Variants in MPZL1 observed in about 807,000 individuals in gnomAD.
MPZL1 encodes myelin protein zero-like protein 1.
MPZL1 carries 16 observed loss-of-function variants against 29.3 expected under a neutral mutation model. The observed-to-expected ratio is 0.55, with a 90% confidence interval of 0.37 to 0.83. MPZL1 has a LOEUF of 0.83. Among genes scored for constraint, MPZL1 ranks in the 40% least tolerant of loss-of-function variants. MPZL1 has a pLI of 0.00. For missense variants in MPZL1, 279 were observed against 332.9 expected, an observed-to-expected ratio of 0.84 and a Z score of 1.26; for synonymous variants, 143 against 132.0, an observed-to-expected ratio of 1.08 and a Z score of -0.57.
chr1:167,775,446 G>A (rs371262648), intron 4 of MPZL1, among the ~76,000 whole-genome samples: 34 of 152,302 alleles, frequency 2.2e-4, no homozygotes, highest in African/African-American at 8.2e-4. Context: ...TGTTGTTAAA[G>A]ACTACTGTCA....
intron 3 of MPZL1, among the ~76,000 whole-genome samples, chr1:167,772,996 G>C (rs1028227325): frequency 6.6e-6 from 1 of 152,114 alleles, no homozygotes; most frequent in Non-Finnish European, 1.5e-5. Context: ...TTTTTCTTTA[G>C]AGCACTGAGA....
chr1:167,735,778 TG>T (rs1200877932), intron 1 of MPZL1, among the ~76,000 whole-genome samples: 2 of 152,220 alleles, frequency 1.3e-5, no homozygotes, highest in African/African-American at 4.8e-5. Flanking sequence ...TACATTATAA[TG>T]GAGGGTAATC....
At chr1:167,779,321 A>G (rs1661441367) in intron 5 of MPZL1, among the ~76,000 whole-genome samples, 2 of 152,280 alleles carry the variant, frequency 1.3e-5, no homozygotes, top group East Asian at 1.9e-4. Context: ...CAGTGACTCA[A>G]CGCCTGTAAT....
intron 1 of MPZL1, among the ~76,000 whole-genome samples, chr1:167,736,101 C>T (rs1298309242): frequency 6.6e-6 from 1 of 152,068 alleles, no homozygotes; most frequent in Non-Finnish European, 1.5e-5. Flanking sequence ...CATGGTTGAC[C>T]ACTTTGATCT....
At chr1:167,781,782 C>G (rs901814587) in intron 5 of MPZL1, among the ~76,000 whole-genome samples, 13 of 152,156 alleles carry the variant, frequency 8.5e-5, no homozygotes, top group African/African-American at 3.1e-4. Flanking sequence ...TCGCTTCTCT[C>G]TGGCTGCTTT....
intron 5 of MPZL1, among the ~76,000 whole-genome samples, chr1:167,785,642 C>G (rs746541596): frequency 2.0e-5 from 3 of 152,162 alleles, no homozygotes; most frequent in Non-Finnish European, 4.4e-5. Flanking sequence ...ATGAACATAC[C>G]CTAAAACTCT....
intron 1 of MPZL1, among the ~76,000 whole-genome samples, chr1:167,757,037 T>C (rs549745097): frequency 6.6e-6 from 1 of 152,336 alleles, no homozygotes; most frequent in African/African-American, 2.4e-5. Context: ...GCTTAGTTTA[T>C]TAATACTTAG....
chr1:167,751,064 C>G (rs1660744849), intron 1 of MPZL1, among the ~76,000 whole-genome samples: 1 of 152,136 alleles, frequency 6.6e-6, no homozygotes, highest in South Asian at 2.1e-4. Context: ...CTTATTTGTT[C>G]CACTGCTGGT....
Position 167,722,241 on chromosome 1 carries a change from C to T in MPZL1, c.90C>T (p.Leu30=). 1 of 1,238,974 alleles carries T rather than the reference C, an allele frequency of 8.1e-7. No individual in the cohort carries two copies. 76.7% of individuals were successfully genotyped at this position (1,238,974 alleles called of 1,614,324 possible). ...LWSVLAAALG[L]LTAGVSALEV... is the part of the protein sequence containing the mutation. Reference sequence around the variant, plus strand: ...CGGTGCTGGCGGCGGCGCTTGGGCTCTGTAAGTGATGCCAGGACCAGGGCT... The same window carrying T: ...CGGTGCTGGCGGCGGCGCTTGGGCTTTGTAAGTGATGCCAGGACCAGGGCT... Residue 30 remains leucine, a splice_region_variant and synonymous_variant, in exon 1 of 6, where the codon CTC becomes CTT. Coordinates refer to ENST00000359523, the MANE Select transcript of MPZL1 (RefSeq NM_003953.6).
At chr1:167,741,221 T>C (rs1009997110) in intron 1 of MPZL1, among the ~76,000 whole-genome samples, 25 of 137,602 alleles carry the variant, frequency 1.8e-4, no homozygotes, top group African/African-American at 6.4e-4. Flanking sequence ...GGGGTTTCGC[T>C]ATGTTGTCCA....
chr1:167,777,449 G>T (rs1661395022), intron 5 of MPZL1, among the ~76,000 whole-genome samples: 1 of 152,172 alleles, frequency 6.6e-6, no homozygotes, highest in South Asian at 2.1e-4. Flanking sequence ...TTTCCACACT[G>T]CAGTGTAGGT....
chr1:167,735,810 A>G (rs1660365873), intron 1 of MPZL1, among the ~76,000 whole-genome samples: 2 of 152,200 alleles, frequency 1.3e-5, no homozygotes, highest in African/African-American at 4.8e-5. Context: ...AGAGTCCCCC[A>G]ATTGTAATAT....
At chr1:167,729,725 A>G (rs1196420481) in intron 1 of MPZL1, among the ~76,000 whole-genome samples, 1 of 152,162 alleles carries the variant, frequency 6.6e-6, no homozygotes, top group Non-Finnish European at 1.5e-5. Context: ...TAGCCCTTAG[A>G]AGTTAGGGCA....
chr1:167,741,089 T>C (rs550413390), intron 1 of MPZL1, among the ~76,000 whole-genome samples: 2 of 152,304 alleles, frequency 1.3e-5, no homozygotes, highest in South Asian at 4.1e-4. Context: ...TAATCACGGC[T>C]TACTGCAGCC....
intron 1 of MPZL1, among the ~76,000 whole-genome samples, chr1:167,752,687 G>C (rs1660782817): frequency 2.0e-5 from 3 of 152,104 alleles, no homozygotes. Flanking sequence ...AACTCTTTCT[G>C]GCAGTGATGA....
At chr1:167,775,964 G>T in intron 4 of MPZL1, 100 bp from the exon 5 acceptor site, 1 of 690,152 alleles carries the variant, frequency 1.4e-6, no homozygotes, top group South Asian at 2.7e-5. Context: ...TTATATATCT[G>T]TTGCTTCATC....
chr1:167,791,074 G>C lies in MPZL1; in HGVS notation c.*3153G>C, dbSNP rs1661702626. The C allele has an allele frequency of 6.6e-6, 1 of 152,146 alleles. No homozygotes were observed. Among genetic ancestry groups the C allele is most frequent in the African/African-American group, 2.4e-5 (1 of 41,400 alleles). The allele number at this position is 152,146 out of a possible 1,614,324, so 9.4% of individuals were successfully genotyped here. A position where few individuals can be genotyped will look rare whatever the true frequency, so the allele number is the denominator to read the frequency against. ...GAGACCTTCTGTGATATATAAAAGA[G>C]CAAGCCCCCCACCCCACCGCCTCAG... On this transcript the variant is annotated 3_prime_UTR_variant, in exon 6 of 6. Transcript: ENST00000359523.
At chr1:167,746,174 T>G (rs1456685371) in intron 1 of MPZL1, among the ~76,000 whole-genome samples, 1 of 151,838 alleles carries the variant, frequency 6.6e-6, no homozygotes, top group East Asian at 1.9e-4. Flanking sequence ...AGAGTGGGAG[T>G]TGGCCCAACG....
intron 2 of MPZL1, among the ~76,000 whole-genome samples, chr1:167,771,244 C>T (rs575110316): frequency 2.2e-4 from 34 of 152,290 alleles, no homozygotes; most frequent in African/African-American, 7.2e-4. Flanking sequence ...GCACATCTTG[C>T]ACCGCCCTTA....
Sources: allele counts gnomAD v4.1 joint callset (sites outside exome capture counted in the v4.1 genomes callset), GRCh38; gene constraint gnomAD v4.1.1; transcripts MANE v1.5; gene names NCBI Gene and HGNC (gene_info 2026-07-23, HGNC 2026-07-21).